The following FAM204A variants were observed in gnomAD, a reference collection of about 807,000 sequenced individuals.
FAM204A encodes the protein family with sequence similarity 204 member A.
A neutral mutation model predicts 35.4 loss-of-function variants in FAM204A; 16 were observed. The ratio of observed to expected loss-of-function variants is 0.45; its 90% CI spans 0.31 to 0.69. FAM204A has a LOEUF of 0.69. Ranked by LOEUF, FAM204A falls within the 30% of genes least tolerant of loss-of-function variation. The pLI is 0.07. For missense variants in FAM204A, 240 were observed against 265.7 expected, an observed-to-expected ratio of 0.90 and a Z score of 0.67; for synonymous variants, 76 against 86.9, an observed-to-expected ratio of 0.88 and a Z score of 0.70.
intron 7 of FAM204A, among the ~76,000 whole-genome samples, chr10:118,322,952 T>C (rs916204014): frequency 5.9e-5 from 9 of 152,140 alleles, no homozygotes; most frequent in Non-Finnish European, 1.0e-4. Flanking sequence ...CAGAAAAAGA[T>C]AAAAAGATGG....
In FAM204A at chr10:118,298,398, A is replaced by G. The variant is rs890846609; in HGVS notation, c.*12459T>C. 3.9e-5 allele frequency: 6 copies of G among 152,206 alleles called. No homozygotes were observed. Among genetic ancestry groups the G allele is most frequent in the African/African-American group, 1.4e-4 (6 of 41,452 alleles). 9.4% of individuals were successfully genotyped at this position (152,206 alleles called of 1,614,324 possible). A position where few individuals can be genotyped will look rare whatever the true frequency, so the allele number is the denominator to read the frequency against. ...TAGGTATGTTTAAAATCCGAATGCG[A>G]TGTGTATCTGAATAAAGACGCTTAT... On this transcript the variant is annotated 3_prime_UTR_variant, in exon 9 of 9. Transcript: ENST00000369183.
chr10:118,326,222 C>G lies in FAM204A; in HGVS notation c.475G>C (p.Asp159His). The change falls in exon 7 of 9, where the codon GAC becomes CAC. Residue 159 changes from aspartate (D) to histidine (H), a missense_variant. Transcript: ENST00000369183. ...VEKSGLEKRI[D>H]QAVEEWNIEK... is the part of the protein sequence containing the mutation. ...ATATTCCACTCCTCCACAGCCTGGT[C>G]TATCCTCTTTTCAAGGCCTGACTAG... The G allele has an allele frequency of 6.2e-7, 1 of 1,613,444 alleles. No individual in the cohort carries two copies. The highest frequency in any genetic ancestry group is 8.5e-7 in the Non-Finnish European group (1 of 1,179,694).
intron 5 of FAM204A, 37 bp from the exon 6 acceptor site, chr10:118,335,250 A>G (rs1421832274): frequency 3.2e-6 from 5 of 1,582,512 alleles, no homozygotes; most frequent in Non-Finnish European, 3.5e-6. Context: ...TATACAATAT[A>G]TACTGTCTTT....
intron 6 of FAM204A, among the ~76,000 whole-genome samples, chr10:118,330,210 T>G (rs932030118): frequency 8.5e-5 from 13 of 152,244 alleles, no homozygotes; most frequent in African/African-American, 3.1e-4. Context: ...CAAAATCTAT[T>G]TGTATAAAAC....
At chr10:118,319,861 T>G (rs780513570) in intron 7 of FAM204A, among the ~76,000 whole-genome samples, 5 of 151,948 alleles carry the variant, frequency 3.3e-5, no homozygotes, top group Non-Finnish European at 7.4e-5. Context: ...TTCTGGTGTT[T>G]TCAAGGAGTC....
chr10:118,298,622 G>C lies in FAM204A; in HGVS notation c.*12235C>G, dbSNP rs1013226322. ...GATAGAGAAACTTGCTTCAGGACAAGATCTAGCTTGGAGCAGGTCGTAGCA... is the reference window on the plus strand; with the variant it reads ...GATAGAGAAACTTGCTTCAGGACAACATCTAGCTTGGAGCAGGTCGTAGCA... On this transcript the variant is annotated 3_prime_UTR_variant, in exon 9 of 9. Transcript: ENST00000369183. The C allele has an allele frequency of 6.6e-6, 1 of 152,196 alleles. No homozygotes were observed. The highest frequency in any genetic ancestry group is 1.5e-5 in the Non-Finnish European group (1 of 68,054). 9.4% of individuals were successfully genotyped at this position (152,196 alleles called of 1,614,324 possible).
intron 6 of FAM204A, among the ~76,000 whole-genome samples, chr10:118,327,390 G>A (rs1321346758): frequency 2.0e-5 from 3 of 152,172 alleles, no homozygotes; most frequent in Admixed American, 6.5e-5. Flanking sequence ...AAGAGAAGAC[G>A]ATTCCTTCTC....
intron 6 of FAM204A, 179 bp from the exon 7 acceptor site, chr10:118,326,422 G>A (rs941193384): frequency 1.8e-6 from 1 of 569,146 alleles, no homozygotes; most frequent in Non-Finnish European, 3.0e-6. Context: ...ACAGTAAATG[G>A]CTTACCTGAG....
intron 7 of FAM204A, among the ~76,000 whole-genome samples, chr10:118,319,861 T>C (rs780513570): frequency 6.6e-6 from 1 of 151,948 alleles, no homozygotes; most frequent in Admixed American, 6.6e-5. Context: ...TTCTGGTGTT[T>C]TCAAGGAGTC....
intron 7 of FAM204A, among the ~76,000 whole-genome samples, chr10:118,320,557 TACAC>T (rs375393782): frequency 2.7e-5 from 4 of 150,790 alleles, no homozygotes; most frequent in African/African-American, 4.9e-5. Context: ...TTTATACACA[TACAC>T]ACACACACAC....
At chr10:118,322,421 A>G (rs1444147929) in intron 7 of FAM204A, 1 of 455,982 alleles carries the variant, frequency 2.2e-6, no homozygotes, top group Non-Finnish European at 4.4e-6. Flanking sequence ...CCTGCCAAAA[A>G]TGCATAACCT....
rs1403428845 is a variant in FAM204A at position 118,306,140 on chromosome 10, T to TA, written c.*4716dup. On this transcript the variant is annotated 3_prime_UTR_variant, in exon 9 of 9. Coordinates refer to ENST00000369183, the MANE Select transcript of FAM204A (RefSeq NM_022063.3). ...CTGGACAGACACACCCTTCAGAAAT[T>TA]AGAGGTGGAAAAGGATTACCTCATT... The TA allele has an allele frequency of 1.3e-5, 2 of 148,338 alleles. No individual in the cohort carries two copies. Among genetic ancestry groups the TA allele is most frequent in the African/African-American group, 5.3e-5 (2 of 37,794 alleles). The allele number at this position is 148,338 out of a possible 1,614,324, so 9.2% of individuals were successfully genotyped here. A position where few individuals can be genotyped will look rare whatever the true frequency, so the allele number is the denominator to read the frequency against.
intron 1 of FAM204A, 125 bp downstream of exon 1, chr10:118,342,145 G>C (rs1846496925): frequency 6.6e-6 from 1 of 152,288 alleles, no homozygotes; most frequent in Non-Finnish European, 1.5e-5. Flanking sequence ...GCTCCGGGAG[G>C]CTCGGCCGAG....
Position 118,309,923 on chromosome 10 carries a change from T to A in FAM204A, c.*934A>T, listed in dbSNP as rs1044789556. On this transcript the variant is annotated 3_prime_UTR_variant, in exon 9 of 9. Coordinates refer to ENST00000369183, the MANE Select transcript of FAM204A (RefSeq NM_022063.3). Reference sequence around the variant, plus strand: ...TTAAATCATCTTCCAAATACTACATTCTGCTCCTTTCTTTATTGTAATAGT... The same window carrying A: ...TTAAATCATCTTCCAAATACTACATACTGCTCCTTTCTTTATTGTAATAGT... 14 of 152,140 alleles carry A rather than the reference T, an allele frequency of 9.2e-5. No homozygotes were observed. Among genetic ancestry groups the A allele is most frequent in the African/African-American group, 3.4e-4 (14 of 41,426 alleles). The allele number at this position is 152,140 out of a possible 1,614,324, so 9.4% of individuals were successfully genotyped here. A position where few individuals can be genotyped will look rare whatever the true frequency, so the allele number is the denominator to read the frequency against.
rs913330182 is a variant in FAM204A, at chr10:118,309,019, G to A, written c.*1838C>T. On this transcript the variant is annotated 3_prime_UTR_variant, in exon 9 of 9. Transcript: ENST00000369183. ...AGACAAAACCACTGGATTGTATAGTGAATATTTCCCCCATAATGGATTTTT... is the reference window on the plus strand; with the variant it reads ...AGACAAAACCACTGGATTGTATAGTAAATATTTCCCCCATAATGGATTTTT... The A allele has an allele frequency of 2.0e-5, 3 of 152,090 alleles. No homozygotes were observed. Among genetic ancestry groups the A allele is most frequent in the Non-Finnish European group, 4.4e-5 (3 of 68,022 alleles). The allele number at this position is 152,090 out of a possible 1,614,324, so 9.4% of individuals were successfully genotyped here.
chr10:118,315,506 A>G (rs1846016711), intron 7 of FAM204A, among the ~76,000 whole-genome samples: 1 of 152,162 alleles, frequency 6.6e-6, no homozygotes, highest in Non-Finnish European at 1.5e-5. Context: ...CTTTTTATGG[A>G]ATAATAGGTC....
chr10:118,332,680 C>A (rs934545942), intron 6 of FAM204A, among the ~76,000 whole-genome samples: 10 of 151,856 alleles, frequency 6.6e-5, no homozygotes, highest in African/African-American at 1.2e-4. Flanking sequence ...ACAAAAAAAA[C>A]CAAGTTCGAA....
intron 7 of FAM204A, among the ~76,000 whole-genome samples, chr10:118,314,803 C>T (rs545286757): frequency 6.6e-6 from 1 of 152,158 alleles, no homozygotes; most frequent in Non-Finnish European, 1.5e-5. Flanking sequence ...TCAGCATTTT[C>T]CATATAGAAC....
At position 118,299,121 on chromosome 10, in the gene FAM204A, A is replaced by T. The variant is rs898886891; in HGVS notation, c.*11736T>A. 2.0e-5 allele frequency: 3 copies of T among 152,110 alleles called. No homozygotes were observed. The highest frequency in any genetic ancestry group is 4.4e-5 in the Non-Finnish European group (3 of 68,052). The allele number at this position is 152,110 out of a possible 1,614,324, so 9.4% of individuals were successfully genotyped here. A position where few individuals can be genotyped will look rare whatever the true frequency, so the allele number is the denominator to read the frequency against. On this transcript the variant is annotated 3_prime_UTR_variant, in exon 9 of 9. Coordinates refer to ENST00000369183, the MANE Select transcript of FAM204A (RefSeq NM_022063.3). ...TTGGGCAGCAGATCATTCCTTTTTCAGCTTCCAAATGGGGAAAACTGTCTG... is the reference window on the plus strand; with the variant it reads ...TTGGGCAGCAGATCATTCCTTTTTCTGCTTCCAAATGGGGAAAACTGTCTG...
Sources: gnomAD v4.1 joint callset for allele counts (sites outside exome capture counted in the v4.1 genomes callset) on GRCh38, gnomAD v4.1.1 for gene constraint, MANE v1.5 for transcripts, NCBI Gene and HGNC (gene_info 2026-07-23, HGNC 2026-07-21) for gene names.